Variants in MAP4K4 observed in about 807,000 individuals in gnomAD.
The protein encoded by MAP4K4 is HPK/GCK-like kinase HGK.
In MAP4K4, 38 loss-of-function variants were observed where a neutral mutation model predicts 189.6. That is an observed-to-expected ratio of 0.20 (90% confidence interval 0.15 to 0.26). The LOEUF is 0.26. MAP4K4 is among the 10% of genes least tolerant of loss of function. The pLI, the probability that MAP4K4 is intolerant of heterozygous loss-of-function variation, is 1.00. For synonymous variants in MAP4K4, 610 were observed against 624.3 expected (o/e 0.98, Z 0.34); for missense variants, 1,054 against 1,726.9 (o/e 0.61, Z 6.91).
intron 12 of MAP4K4, among the ~76,000 whole-genome samples, chr2:101,854,908 C>T (rs570340302): frequency 6.6e-6 from 1 of 152,286 alleles, no homozygotes; most frequent in African/African-American, 2.4e-5. Context: ...TTAAAATTAA[C>T]TTCAGTGCAA....
intron 3 of MAP4K4, among the ~76,000 whole-genome samples, chr2:101,816,633 C>T (rs2095737706): frequency 1.3e-5 from 2 of 152,182 alleles, no homozygotes; most frequent in African/African-American, 4.8e-5. Flanking sequence ...GAGTGCTCCA[C>T]CTACCTTCTC....
At chr2:101,846,195 A>G (rs2097104024) in intron 12 of MAP4K4, among the ~76,000 whole-genome samples, 1 of 152,174 alleles carries the variant, frequency 6.6e-6, no homozygotes, top group African/African-American at 2.4e-5. Context: ...TCCTTGTGGT[A>G]TTTTTGTTAA....
chr2:101,729,184 A>T (rs1246596444), intron 2 of MAP4K4, among the ~76,000 whole-genome samples: 8 of 150,976 alleles, frequency 5.3e-5, no homozygotes, highest in African/African-American at 1.7e-4. Context: ...CTTCCCTGGA[A>T]ATCTGCTCGA....
At chr2:101,740,934 A>T (rs960040251) in intron 2 of MAP4K4, among the ~76,000 whole-genome samples, 29 of 152,214 alleles carry the variant, frequency 1.9e-4, no homozygotes, top group African/African-American at 6.0e-4. Flanking sequence ...CAGACCCTGA[A>T]CTGTTTACCC....
chr2:101,845,355 G>A lies in MAP4K4; in HGVS notation c.1233+1044G>A, dbSNP rs534443046. 2.0e-5 allele frequency among the ~76,000 whole-genome samples: 3 copies of A among 152,160 alleles called. No homozygotes were observed. The South Asian group carries it at 6.2e-4, about 32-fold the overall frequency. ...AATGTGGTTACCTTACAGCTTTCAC[G>A]TTTTTAATGCACAGAAATATATTAT... is the stretch of plus-strand genomic sequence containing the variant. On this transcript the variant is annotated intron_variant, in intron 12 of 32. Transcript: ENST00000324219.
exon 1 of MAP4K4, chr2:101,697,943 CCGCG>C: frequency 2.1e-5 from 6 of 284,328 alleles, no homozygotes; most frequent in South Asian, 8.7e-5. Context: ...CCGCCGCCGC[CCGCG>C]GCCCCGCGAG....
intron 2 of MAP4K4, among the ~76,000 whole-genome samples, chr2:101,770,830 T>C (rs2081072265): frequency 6.6e-6 from 1 of 152,146 alleles, no homozygotes; most frequent in South Asian, 2.1e-4. Context: ...CAGTGGACAT[T>C]TAAACTGGAG....
intron 12 of MAP4K4, among the ~76,000 whole-genome samples, chr2:101,849,879 TAA>T (rs2097226460): frequency 6.6e-6 from 1 of 151,962 alleles, no homozygotes; most frequent in African/African-American, 2.4e-5. Context: ...AATAAAAAAA[TAA>T]AGAGTAAAAG....
intron 2 of MAP4K4, among the ~76,000 whole-genome samples, chr2:101,711,553 C>T (rs1431987895): frequency 1.3e-5 from 2 of 152,144 alleles, no homozygotes; most frequent in Non-Finnish European, 2.9e-5. Flanking sequence ...TTGGGCCTGG[C>T]CTTGCTCTTT....
chr2:101,888,768 C>T (rs369943717), intron 31 of MAP4K4, 28 bp from the exon 32 acceptor site: 200 of 1,558,562 alleles, frequency 1.3e-4, no homozygotes, highest in Middle Eastern at 1.7e-4. Flanking sequence ...TCATCTTTAA[C>T]GGTTTGCAAT....
At chr2:101,764,366 C>G (rs1431297095) in intron 2 of MAP4K4, among the ~76,000 whole-genome samples, 2 of 152,198 alleles carry the variant, frequency 1.3e-5, no homozygotes, top group South Asian at 2.1e-4. Flanking sequence ...GGAATTTAAC[C>G]TTAGTTTTGA....
intron 2 of MAP4K4, among the ~76,000 whole-genome samples, chr2:101,742,195 G>T (rs566850273): frequency 6.6e-6 from 1 of 152,298 alleles, no homozygotes; most frequent in East Asian, 1.9e-4. Flanking sequence ...TCAGGAGGCA[G>T]AGTGCTGTCC....
chr2:101,699,271 C>T (rs1042995629), intron 2 of MAP4K4, among the ~76,000 whole-genome samples: 12 of 152,110 alleles, frequency 7.9e-5, no homozygotes, highest in Admixed American at 7.2e-4. Flanking sequence ...TAACACCCAC[C>T]CTCCACCCCA....
intron 12 of MAP4K4, among the ~76,000 whole-genome samples, chr2:101,855,315 C>T (rs1297744366): frequency 2.6e-5 from 4 of 152,178 alleles, no homozygotes; most frequent in Non-Finnish European, 5.9e-5. Flanking sequence ...AAGTCACTTA[C>T]CTTTTCTGAA....
exon 10 of MAP4K4, chr2:101,839,825 G>T: frequency 6.3e-7 from 1 of 1,584,868 alleles, no homozygotes; most frequent in Non-Finnish European, 8.5e-7. Context: ...ACAGGTCGAA[G>T]AAGTTTTTTA....
chr2:101,701,471 C>T (rs942991054), intron 2 of MAP4K4, among the ~76,000 whole-genome samples: 2 of 152,118 alleles, frequency 1.3e-5, no homozygotes, highest in African/African-American at 4.8e-5. Context: ...GAGACATCTT[C>T]TTTAAGCATT....
At chr2:101,866,994 G>C (rs368674274) in intron 19 of MAP4K4, among the ~76,000 whole-genome samples, 3 of 151,734 alleles carry the variant, frequency 2.0e-5, no homozygotes, top group Non-Finnish European at 2.9e-5. Context: ...TTGTGAACAC[G>C]TGTCAAAGTG....
At chr2:101,841,945 A>G (rs2096932503) in intron 10 of MAP4K4, among the ~76,000 whole-genome samples, 1 of 152,212 alleles carries the variant, frequency 6.6e-6, no homozygotes, top group African/African-American at 2.4e-5. Context: ...AACTGTCTAA[A>G]ACCTGTAGAA....
chr2:101,873,861 A>G, intron 25 of MAP4K4, 97 bp downstream of exon 25: 1 of 914,012 alleles, frequency 1.1e-6, no homozygotes, highest in Non-Finnish European at 1.7e-6. Flanking sequence ...GTTCACAGGC[A>G]CAGACCTCGG....
Sources: allele counts gnomAD v4.1 joint callset (sites outside exome capture counted in the v4.1 genomes callset), GRCh38; gene constraint gnomAD v4.1.1; transcripts MANE v1.5; gene names NCBI Gene and HGNC (gene_info 2026-07-23, HGNC 2026-07-21).